HCLS1: variants seen among roughly 807,000 people sequenced by gnomAD.
HCLS1 encodes the protein hematopoietic cell-specific Lyn substrate 1.
HCLS1 carries 44 observed loss-of-function variants against 68.6 expected under a neutral mutation model. That is an observed-to-expected ratio of 0.64 (90% CI 0.50 to 0.82). The LOEUF is 0.82. HCLS1 is among the 40% of genes least tolerant of loss of function. The pLI, the probability that HCLS1 is intolerant of heterozygous loss-of-function variation, is 0.00. For synonymous variants in HCLS1, 217 were observed against 225.8 expected, an observed-to-expected ratio of 0.96 and a Z score of 0.35; for missense variants, 602 against 612.1, an observed-to-expected ratio of 0.98 and a Z score of 0.17.
At position 121,632,539 on chromosome 3, in the gene HCLS1, G is replaced by A. The variant is rs763799656; in HGVS notation, c.1033C>T (p.Pro345Ser). ...PEDNEEPPAL[P>S]PRTLEGLQVE... ...TGGAGGCCTTCCAGAGTCCTAGGGGGCAGAGCTGGGGGCTCCTCATTGTCC... is the reference window on the plus strand; with the variant it reads ...TGGAGGCCTTCCAGAGTCCTAGGGGACAGAGCTGGGGGCTCCTCATTGTCC... The change falls in exon 12 of 14, where the codon CCC becomes TCC. Residue 345 changes from proline (P) to serine (S), a missense_variant. Physicochemically the swap from Pro to Ser is moderately conservative, Grantham distance 74. Coordinates refer to ENST00000314583, the MANE Select transcript of HCLS1 (RefSeq NM_005335.6). The A allele has an allele frequency of 1.2e-6, 2 of 1,613,178 alleles. No homozygotes were observed. The highest frequency in any genetic ancestry group is 1.7e-6 in the Non-Finnish European group (2 of 1,179,978).
intron 3 of HCLS1, chr3:121,655,744 A>G (rs981559396): frequency 3.4e-5 from 5 of 145,460 alleles, no homozygotes; most frequent in African/African-American, 1.3e-4. Flanking sequence ...TTCCTGAATG[A>G]CCCTGTTCCA....
intron 10 of HCLS1, among the ~76,000 whole-genome samples, chr3:121,633,513 C>T (rs568440531): frequency 3.3e-5 from 5 of 152,244 alleles, no homozygotes; most frequent in African/African-American, 4.8e-5. Flanking sequence ...TGAGCCACCA[C>T]GCTCGGCCCA....
intron 1 of HCLS1, among the ~76,000 whole-genome samples, chr3:121,660,156 G>A (rs1379599227): frequency 6.6e-6 from 1 of 152,124 alleles, no homozygotes; most frequent in Non-Finnish European, 1.5e-5. Context: ...AACAGAGTAG[G>A]TACTCATTTG....
intron 3 of HCLS1, among the ~76,000 whole-genome samples, chr3:121,655,093 C>T (rs1937832048): frequency 6.6e-6 from 1 of 152,102 alleles, no homozygotes; most frequent in Admixed American, 6.6e-5. Context: ...GTCAATATCT[C>T]CATCGTTTAT....
intron 1 of HCLS1, among the ~76,000 whole-genome samples, chr3:121,659,059 A>T (rs538795919): frequency 6.6e-6 from 1 of 152,252 alleles, no homozygotes; most frequent in Non-Finnish European, 1.5e-5. Flanking sequence ...AAAAAATAGC[A>T]TGTTTTCAAG....
chr3:121,637,152 G>A lies in HCLS1; in HGVS notation c.559C>T (p.Gln187Ter). ...YKGETEKHES[Q>*]RDYAKGFGGQ... ...CCTTCCAACCCCAACTCACCTCTCT[G>A]GGACTCGTGTTTCTCCGTCTCTCCC... The change falls in exon 7 of 14, where the codon CAG (glutamine) becomes TAG (stop). Residue 187 changes from glutamine to a stop codon, truncating the protein, a stop_gained. Coordinates refer to ENST00000314583, the MANE Select transcript of HCLS1 (RefSeq NM_005335.6). LOFTEE classifies it high-confidence loss of function. 6.2e-7 allele frequency: 1 copy of A among 1,608,218 alleles called. No individual in the cohort carries two copies. The highest frequency in any genetic ancestry group is 8.5e-7 in the Non-Finnish European group (1 of 1,174,728).
intron 3 of HCLS1, among the ~76,000 whole-genome samples, chr3:121,652,429 G>A (rs778635934): frequency 6.6e-5 from 10 of 152,112 alleles, no homozygotes; most frequent in Non-Finnish European, 1.3e-4. Context: ...CGAGGCAGGC[G>A]GATCACTTGA....
intron 7 of HCLS1, among the ~76,000 whole-genome samples, chr3:121,636,781 G>A (rs994014551): frequency 2.0e-5 from 3 of 152,160 alleles, no homozygotes; most frequent in Non-Finnish European, 2.9e-5. Flanking sequence ...TCAGCCATCC[G>A]TATGGGTTCC....
chr3:121,657,115 C>CA (rs1436321228), intron 3 of HCLS1, 164 bp downstream of exon 3: 7 of 590,864 alleles, frequency 1.2e-5, no homozygotes, highest in Non-Finnish European at 2.1e-5. Context: ...TGCAATGACA[C>CA]ACAGGTACAC....
chr3:121,637,230 A>G lies in HCLS1; in HGVS notation c.481T>C (p.Tyr161His). Residue 161 changes from tyrosine to histidine, a missense_variant, in exon 7 of 14, where the codon TAC (tyrosine) becomes CAC (histidine). Tyr to His is a moderately conservative substitution (Grantham distance 83). Coordinates refer to ENST00000314583, the MANE Select transcript of HCLS1 (RefSeq NM_005335.6). ...TCCCATTTATCCTTCTCCACCCCGT[A>G]CCGGCCACCAAAGCCACGAGAGTAA... ...KDYSRGFGGRYGVEKDKWDKA... is the reference protein window; with the variant it reads ...KDYSRGFGGRHGVEKDKWDKA... 1 of 1,613,966 alleles carries G rather than the reference A, an allele frequency of 6.2e-7. No homozygotes were observed. The highest frequency in any genetic ancestry group is 8.5e-7 in the Non-Finnish European group (1 of 1,179,884).
chr3:121,635,059 C>T (rs961617151), intron 9 of HCLS1, among the ~76,000 whole-genome samples: 3 of 152,072 alleles, frequency 2.0e-5, no homozygotes, highest in Non-Finnish European at 4.4e-5. Context: ...AACTCCTGTC[C>T]CTGTGTGTTC....
intron 6 of HCLS1, among the ~76,000 whole-genome samples, chr3:121,639,295 A>G (rs1011378836): frequency 6.6e-6 from 1 of 152,206 alleles, no homozygotes; most frequent in African/African-American, 2.4e-5. Context: ...CAAATAGACC[A>G]TGTGCCAGTC....
intron 3 of HCLS1, among the ~76,000 whole-genome samples, chr3:121,651,943 C>T (rs1403052752): frequency 6.6e-6 from 1 of 152,144 alleles, no homozygotes; most frequent in Non-Finnish European, 1.5e-5. Flanking sequence ...TACCCAAATG[C>T]CCATGACAGT....
In HCLS1 at chr3:121,640,619, C is replaced by G. The variant is rs78781147; in HGVS notation, c.454+2308G>C. On this transcript the variant is annotated intron_variant, in intron 6 of 13. Coordinates refer to ENST00000314583, the MANE Select transcript of HCLS1 (RefSeq NM_005335.6). Reference sequence around the variant, plus strand: ...TGAATCAGCAGATATGCAATAGAACCAAAAGAAACTCCAGAAATGAAAATA... The same window carrying G: ...TGAATCAGCAGATATGCAATAGAACGAAAAGAAACTCCAGAAATGAAAATA... Among the ~76,000 whole-genome samples, 37 of 151,476 alleles carry G rather than the reference C, an allele frequency of 2.4e-4. No individual in the cohort carries two copies. The East Asian group carries it at 7.0e-3, about 29-fold the overall frequency.
chr3:121,632,295 A>G (rs2049105079), intron 12 of HCLS1, 37 bp downstream of exon 12: 1 of 1,609,916 alleles, frequency 6.2e-7, no homozygotes, highest in Admixed American at 1.7e-5. Context: ...TCCCCTGGAC[A>G]TGAGCAAATT....
chr3:121,637,739 A>G (rs1194695269), intron 6 of HCLS1, among the ~76,000 whole-genome samples: 2 of 152,190 alleles, frequency 1.3e-5, no homozygotes, highest in Admixed American at 6.5e-5. Flanking sequence ...ATTTGAGACC[A>G]GCCTGGCCAA....
intron 2 of HCLS1, 28 bp downstream of exon 2, chr3:121,658,235 TG>T (rs746601311): frequency 6.4e-7 from 1 of 1,571,360 alleles, no homozygotes; most frequent in Non-Finnish European, 8.8e-7. Flanking sequence ...CCCTCTGCAC[TG>T]TCCAAGCAAA....
At chr3:121,648,034 C>T (rs149787965) in intron 3 of HCLS1, among the ~76,000 whole-genome samples, 1 of 152,148 alleles carries the variant, frequency 6.6e-6, no homozygotes, top group African/African-American at 2.4e-5. Context: ...CTACCTTTCA[C>T]TAGTGTACTA....
rs147742489 is a variant in HCLS1, at chr3:121,632,169, G to C, written c.1256C>G (p.Pro419Arg). ...SSALAGSSGC[P>R]AGAGAGAVAL... ...CACAGCCCCAGCCCCAGCCCCAGCC[G>C]GGCAGCCTGATGATCCTGCATAATG... is the stretch of plus-strand genomic sequence containing the variant. Residue 419 changes from proline (P) to arginine (R), a missense_variant, in exon 13 of 14, where the codon CCG (proline) becomes CGG (arginine). By Grantham distance (103) the Pro-to-Arg change is moderately radical (BLOSUM62 -2). Transcript: ENST00000314583. 22 of 1,613,790 alleles carry C rather than the reference G, an allele frequency of 1.4e-5. 1 individual carries two copies. The African/African-American group carries it at 2.3e-4, about 17-fold the overall frequency.
Sources: gnomAD v4.1 joint callset for allele counts (sites outside exome capture counted in the v4.1 genomes callset) on GRCh38, gnomAD v4.1.1 for gene constraint, MANE v1.5 for transcripts, NCBI Gene and HGNC (gene_info 2026-07-23, HGNC 2026-07-21) for gene names.